Variants in ANTXR1 observed in about 807,000 individuals in gnomAD.
ANTXR1 encodes the protein anthrax toxin receptor 1.
In ANTXR1, 19 loss-of-function variants were observed where a neutral mutation model predicts 78.1. The ratio of observed to expected loss-of-function variants is 0.24; its 90% CI spans 0.17 to 0.36. The LOEUF is 0.36. Among genes scored for constraint, ANTXR1 ranks in the 10% least tolerant of loss-of-function variants. The pLI is 1.00. For missense variants in ANTXR1, 518 were observed against 718.6 expected, an observed-to-expected ratio of 0.72 and a Z score of 3.19; for synonymous variants, 273 against 260.5, an observed-to-expected ratio of 1.05 and a Z score of -0.46.
chr2:69,151,880 C>G (rs1241510017), intron 12 of ANTXR1, among the ~76,000 whole-genome samples: 3 of 152,184 alleles, frequency 2.0e-5, no homozygotes, highest in Non-Finnish European at 4.4e-5. Flanking sequence ...AGTGGAAGTC[C>G]ATGTTCATGC....
At chr2:69,114,933 A>T (rs1175607917) in intron 10 of ANTXR1, among the ~76,000 whole-genome samples, 1 of 152,218 alleles carries the variant, frequency 6.6e-6, no homozygotes, top group African/African-American at 2.4e-5. Context: ...GGCATGAACT[A>T]CAGAGTTATA....
At chr2:69,238,346 A>T (rs956859195) in intron 17 of ANTXR1, among the ~76,000 whole-genome samples, 2 of 152,184 alleles carry the variant, frequency 1.3e-5, no homozygotes, top group African/African-American at 2.4e-5. Context: ...GGACCTCAAC[A>T]TTTGCTCAAT....
chr2:69,106,475 G>A (rs761549209), intron 10 of ANTXR1, among the ~76,000 whole-genome samples: 5 of 152,226 alleles, frequency 3.3e-5, no homozygotes, highest in Non-Finnish European at 5.9e-5. Context: ...CTGTGACCCC[G>A]ATGCTGATGC....
chr2:69,216,428 TATACAC>T (rs1675178332), intron 17 of ANTXR1, among the ~76,000 whole-genome samples: 1 of 152,032 alleles, frequency 6.6e-6, no homozygotes, highest in African/African-American at 2.4e-5. Context: ...TATACATACA[TATACAC>T]ACATACATAT....
chr2:69,020,178 T>G (rs976291190), intron 1 of ANTXR1, among the ~76,000 whole-genome samples: 2 of 152,102 alleles, frequency 1.3e-5, no homozygotes, highest in African/African-American at 2.4e-5. Context: ...AATAATAATT[T>G]TAAAGGGCAT....
At chr2:69,091,323 C>G (rs1377895186) in intron 9 of ANTXR1, among the ~76,000 whole-genome samples, 1 of 151,496 alleles carries the variant, frequency 6.6e-6, no homozygotes, top group African/African-American at 2.4e-5. Context: ...TGCCTATAAT[C>G]CCAGCTACTC....
At chr2:69,243,539 G>A (rs1700594777) in intron 17 of ANTXR1, among the ~76,000 whole-genome samples, 2 of 152,166 alleles carry the variant, frequency 1.3e-5, no homozygotes, top group Admixed American at 6.5e-5. Context: ...TGCACAAGGA[G>A]GGAAGGTTTG....
rs780404603 is a variant in ANTXR1, at chr2:69,075,710, G to A, written c.561+52G>A. On this transcript the variant is annotated intron_variant, in intron 7 of 17. Coordinates refer to ENST00000303714, the MANE Select transcript of ANTXR1 (RefSeq NM_032208.3). The stretch of plus-strand genomic sequence containing the variant: ...GGAGCATACTGAGCTTGTGAATCAT[G>A]AAGAACATGTTCAGTCAGTGCAGAG... 6 of 1,520,316 alleles carry A rather than the reference G, an allele frequency of 3.9e-6. No homozygotes were observed. The South Asian group carries it at 5.6e-5, about 14-fold the overall frequency. The allele number at this position is 1,520,316 out of a possible 1,614,324, so 94.2% of individuals were successfully genotyped here.
chr2:69,044,685 G>A lies in ANTXR1; in HGVS notation c.225-57G>A, dbSNP rs1158028029. The stretch of plus-strand genomic sequence containing the variant: ...GGGAAGGACAGGGAGGGAGCCTGAA[G>A]GGAGTGGCATGCGCAGTCTTATTGT... On this transcript the variant is annotated intron_variant, in intron 2 of 17. Transcript: ENST00000303714. The A allele has an allele frequency of 3.2e-6, 5 of 1,562,462 alleles. No individual in the cohort carries two copies. The East Asian group carries it at 6.7e-5, about 21-fold the overall frequency.
intron 3 of ANTXR1, among the ~76,000 whole-genome samples, chr2:69,057,516 C>T (rs1435687417): frequency 6.6e-6 from 1 of 152,046 alleles, no homozygotes; most frequent in Non-Finnish European, 1.5e-5. Flanking sequence ...ATCTATTGTC[C>T]TTGTTTTGGG....
chr2:69,198,508 C>T (rs1388526877), intron 17 of ANTXR1, among the ~76,000 whole-genome samples: 1 of 152,170 alleles, frequency 6.6e-6, no homozygotes, highest in African/African-American at 2.4e-5. Flanking sequence ...CCTGTGCTTG[C>T]ATTAAGTATG....
Position 69,233,617 on chromosome 2 carries a change from G to A in ANTXR1, c.1435-11608G>A, listed in dbSNP as rs1251684315. ...GGTTATCTTACTTTATATCAAAAAG[G>A]TGTTTGATATTTGCTTAAATTTTTT... is the stretch of plus-strand genomic sequence containing the variant. On this transcript the variant is annotated intron_variant, in intron 17 of 17. Transcript: ENST00000303714. 3.3e-5 allele frequency among the ~76,000 whole-genome samples: 5 copies of A among 151,782 alleles called. No individual in the cohort carries two copies. The East Asian group carries it at 9.6e-4, about 29-fold the overall frequency.
At chr2:69,193,919 C>T (rs747160791) in intron 17 of ANTXR1, among the ~76,000 whole-genome samples, 1 of 152,188 alleles carries the variant, frequency 6.6e-6, no homozygotes, top group Non-Finnish European at 1.5e-5. Context: ...CCAGCTAGCC[C>T]AGGACCAGAG....
At chr2:69,063,330 T>C (rs1670301469) in intron 3 of ANTXR1, among the ~76,000 whole-genome samples, 1 of 151,960 alleles carries the variant, frequency 6.6e-6, no homozygotes. Context: ...AATAACTTAC[T>C]TTTTATTAGG....
chr2:69,121,053 A>G (rs554797060), intron 10 of ANTXR1, among the ~76,000 whole-genome samples: 3 of 151,870 alleles, frequency 2.0e-5, no homozygotes, highest in Non-Finnish European at 4.4e-5. Context: ...CCATCACCCA[A>G]CCTCAGGTTT....
chr2:69,142,826 G>C (rs957406496), intron 12 of ANTXR1, among the ~76,000 whole-genome samples: 1 of 152,226 alleles, frequency 6.6e-6, no homozygotes, highest in African/African-American at 2.4e-5. Context: ...AAAGTGTGAG[G>C]AGGGAGGGGG....
intron 12 of ANTXR1, among the ~76,000 whole-genome samples, chr2:69,148,299 C>A (rs1450715801): frequency 6.6e-6 from 1 of 152,224 alleles, no homozygotes. Context: ...TGCCCTACCC[C>A]AGGGACTTGT....
chr2:69,127,230 T>C (rs913582152), intron 12 of ANTXR1, among the ~76,000 whole-genome samples: 1 of 152,138 alleles, frequency 6.6e-6, no homozygotes, highest in African/African-American at 2.4e-5. Context: ...GTTCCAATTG[T>C]AAATAGAGTA....
chr2:69,129,749 CAA>C (rs375857337), intron 12 of ANTXR1, among the ~76,000 whole-genome samples: 62 of 119,708 alleles, frequency 5.2e-4, no homozygotes, highest in African/African-American at 1.6e-3. Context: ...GACTCCATCT[CAA>C]AAAAAAAAAA....
Sources: allele counts gnomAD v4.1 joint callset (sites outside exome capture counted in the v4.1 genomes callset), GRCh38; gene constraint gnomAD v4.1.1; transcripts MANE v1.5; gene names NCBI Gene and HGNC (gene_info 2026-07-23, HGNC 2026-07-21).